The following AOAH variants were observed in gnomAD, a reference collection of about 807,000 sequenced individuals.
AOAH encodes acyloxyacyl hydrolase (neutrophil).
AOAH carries 64 observed loss-of-function variants against 92.2 expected under a neutral mutation model. The observed-to-expected ratio is 0.69, with a 90% CI of 0.57 to 0.86. The LOEUF (loss-of-function observed/expected upper bound fraction) is 0.86, where lower values mean the gene tolerates loss of function less well. AOAH is among the 40% of genes least tolerant of loss of function. AOAH has a pLI of 0.00. For missense variants in AOAH, 656 were observed against 694.6 expected (o/e 0.94, Z 0.62); for synonymous variants, 263 against 254.5 (o/e 1.03, Z -0.32).
chr7:36,591,720 A>T (rs565243006), intron 12 of AOAH, among the ~76,000 whole-genome samples: 1 of 152,308 alleles, frequency 6.6e-6, no homozygotes, highest in Non-Finnish European at 1.5e-5. Context: ...TGCAGAAAGG[A>T]AAAGGGAGCT....
intron 20 of AOAH, among the ~76,000 whole-genome samples, chr7:36,517,262 CTCTTTCTTTCTTTCTTTCTT>C (rs142858220): frequency 7.5e-5 from 10 of 132,690 alleles, no homozygotes; most frequent in East Asian, 6.3e-4. Context: ...CTGTGTCTCT[CTCTTTCTTTCTTTCTTTCTT>C]TCTTTCTTTC....
intron 12 of AOAH, among the ~76,000 whole-genome samples, chr7:36,591,574 C>T (rs1354965700): frequency 6.6e-6 from 1 of 152,194 alleles, no homozygotes; most frequent in Non-Finnish European, 1.5e-5. Context: ...TACCCCATTG[C>T]CATGCTTTGA....
intron 4 of AOAH, among the ~76,000 whole-genome samples, chr7:36,646,567 C>T (rs1292292290): frequency 1.2e-4 from 19 of 152,128 alleles, no homozygotes; most frequent in Admixed American, 1.2e-3. Flanking sequence ...GTATTAGTTT[C>T]CTATTGCTGC....
At chr7:36,585,615 T>C (rs980093320) in intron 12 of AOAH, among the ~76,000 whole-genome samples, 14 of 152,174 alleles carry the variant, frequency 9.2e-5, no homozygotes, top group Non-Finnish European at 1.6e-4. Flanking sequence ...ATAACTATGC[T>C]ATGAAACACT....
chr7:36,611,922 C>CACT (rs983601455), intron 11 of AOAH, among the ~76,000 whole-genome samples: 1 of 152,222 alleles, frequency 6.6e-6, no homozygotes, highest in South Asian at 2.1e-4. Context: ...GACAGGCAGT[C>CACT]ATTCCACCAC....
At chr7:36,537,506 G>GTT (rs67918250) in intron 16 of AOAH, among the ~76,000 whole-genome samples, 47,611 of 133,384 alleles carry the variant, frequency 0.36, 8,072 homozygotes, top group Non-Finnish European at 0.45. Flanking sequence ...CACCCCTCTT[G>GTT]TTTTTTTTTT....
At chr7:36,621,415 A>G (rs1440855388) in intron 8 of AOAH, among the ~76,000 whole-genome samples, 1 of 152,198 alleles carries the variant, frequency 6.6e-6, no homozygotes, top group Non-Finnish European at 1.5e-5. Flanking sequence ...TAATCTGTTC[A>G]CTTGATTGTT....
At chr7:36,632,497 C>A (rs114411644) in intron 5 of AOAH, among the ~76,000 whole-genome samples, 102 of 152,246 alleles carry the variant, frequency 6.7e-4, no homozygotes, top group African/African-American at 2.2e-3. Context: ...AAGGGAGAGA[C>A]CAATCTGGGG....
intron 20 of AOAH, among the ~76,000 whole-genome samples, chr7:36,517,228 C>CTT (rs200489121): frequency 1.6e-3 from 85 of 54,772 alleles, no homozygotes; most frequent in East Asian, 2.1e-3. Context: ...TTCTTTCTGT[C>CTT]TCTCTCTCTC....
At chr7:36,611,026 G>A (rs564083072) in intron 11 of AOAH, among the ~76,000 whole-genome samples, 1 of 152,160 alleles carries the variant, frequency 6.6e-6, no homozygotes, top group Non-Finnish European at 1.5e-5. Flanking sequence ...GGAGTGGTTG[G>A]TGGTTATTAT....
At chr7:36,627,027 T>TGAA in intron 6 of AOAH, among the ~76,000 whole-genome samples, 1 of 152,384 alleles carries the variant, frequency 6.6e-6, no homozygotes, top group Non-Finnish European at 1.5e-5. Context: ...AGCTGTATGT[T>TGAA]GAAATGTTCA....
intron 11 of AOAH, among the ~76,000 whole-genome samples, chr7:36,615,664 C>CTGAT (rs1329800243): frequency 6.6e-6 from 1 of 152,182 alleles, no homozygotes; most frequent in Non-Finnish European, 1.5e-5. Context: ...AATGGCCCTC[C>CTGAT]TGATAATGCA....
chr7:36,537,511 T>TTG (rs1259271008), intron 16 of AOAH, among the ~76,000 whole-genome samples: 2 of 138,970 alleles, frequency 1.4e-5, no homozygotes, highest in South Asian at 2.3e-4. Context: ...CTCTTGTTTT[T>TTG]TTTTTTTTTT....
At chr7:36,514,328 T>C in intron 20 of AOAH, 1 of 573,972 alleles carries the variant, frequency 1.7e-6, no homozygotes, top group South Asian at 2.0e-5. Flanking sequence ...TGCCTGGGAG[T>C]GGAGGCTGGC....
intron 9 of AOAH, among the ~76,000 whole-genome samples, chr7:36,618,630 C>A (rs191844395): frequency 5.1e-4 from 78 of 152,310 alleles, no homozygotes; most frequent in Non-Finnish European, 9.1e-4. Context: ...TCTCACCCCT[C>A]AGAGCATGGA....
At chr7:36,603,334 A>C (rs971110659) in intron 11 of AOAH, among the ~76,000 whole-genome samples, 3 of 152,010 alleles carry the variant, frequency 2.0e-5, no homozygotes, top group African/African-American at 7.3e-5. Flanking sequence ...GCAGACCTCC[A>C]GGTCTCACCA....
chr7:36,549,835 G>T (rs1462248237), intron 13 of AOAH, among the ~76,000 whole-genome samples: 1 of 152,156 alleles, frequency 6.6e-6, no homozygotes, highest in Non-Finnish European at 1.5e-5. Flanking sequence ...ATTCAAGAAT[G>T]AGTTGAAGAA....
chr7:36,535,423 G>C (rs1463485474), intron 16 of AOAH, among the ~76,000 whole-genome samples: 1 of 152,222 alleles, frequency 6.6e-6, no homozygotes, highest in African/African-American at 2.4e-5. Flanking sequence ...GAAATGCCAT[G>C]TAAATGTGTT....
chr7:36,584,796 C>A (rs1407971768), intron 12 of AOAH, among the ~76,000 whole-genome samples: 1 of 152,152 alleles, frequency 6.6e-6, no homozygotes, highest in African/African-American at 2.4e-5. Context: ...TTAATCCCAA[C>A]AAATCTTATT....
Sources: gnomAD v4.1 joint callset for allele counts (sites outside exome capture counted in the v4.1 genomes callset) on GRCh38, gnomAD v4.1.1 for gene constraint, MANE v1.5 for transcripts, NCBI Gene and HGNC (gene_info 2026-07-23, HGNC 2026-07-21) for gene names.